Variants in DDX59 observed in about 807,000 individuals in gnomAD.
DDX59 encodes DEAD-box helicase 59.
A neutral mutation model predicts 51.9 loss-of-function variants in DDX59; 30 were observed. The ratio of observed to expected loss-of-function variants is 0.58; its 90% confidence interval spans 0.43 to 0.78. The LOEUF (loss-of-function observed/expected upper bound fraction) is 0.78, where lower values mean the gene tolerates loss of function less well. Ranked by LOEUF, DDX59 falls within the 30% of genes least tolerant of loss-of-function variation. The probability of loss-of-function intolerance (pLI) is 0.00; values close to 1 mark genes in which losing one functional copy is unlikely to be tolerated. For missense variants in DDX59, 672 were observed against 730.8 expected, an observed-to-expected ratio of 0.92 and a Z score of 0.93; for synonymous variants, 255 against 253.3, an observed-to-expected ratio of 1.01 and a Z score of -0.06.
intron 7 of DDX59, among the ~76,000 whole-genome samples, chr1:200,647,235 T>C (rs1661346360): frequency 6.6e-6 from 1 of 152,162 alleles, no homozygotes; most frequent in South Asian, 2.1e-4. Context: ...GTCAGTGAGA[T>C]AATGCAGCGC....
chr1:200,661,910 G>T (rs574229498), intron 3 of DDX59, among the ~76,000 whole-genome samples: 4 of 152,250 alleles, frequency 2.6e-5, no homozygotes, highest in African/African-American at 9.6e-5. Context: ...TATTTCTCAT[G>T]GTTTAACACC....
rs755215809 is a variant in DDX59, at chr1:200,666,345, T to C, written c.396A>G (p.Lys132=). Residue 132 remains lysine (K), a synonymous_variant, in exon 2 of 8, where the codon AAA becomes AAG. Transcript: ENST00000331314. ...TDEDVCSLEC[K]AKHLLQVKEK... is the part of the protein sequence containing the mutation. ...CCTTAACTTGTAGAAGATGTTTCGC[T>C]TTACACTCCAAACTACACACATCTT... The C allele has an allele frequency of 6.2e-7, 1 of 1,614,206 alleles. No individual in the cohort carries two copies.
At chr1:200,648,039 G>C (rs1391172011) in intron 7 of DDX59, among the ~76,000 whole-genome samples, 1 of 137,176 alleles carries the variant, frequency 7.3e-6, no homozygotes, top group Non-Finnish European at 1.6e-5. Flanking sequence ...TTGGGGGGGG[G>C]GAGGGGGGAA....
At chr1:200,641,539 C>T (rs1661050389), downstream of DDX59, among the ~76,000 whole-genome samples, 1 of 150,432 alleles carries the variant, frequency 6.6e-6, no homozygotes, top group Admixed American at 6.6e-5. Flanking sequence ...TTGAGACCAG[C>T]CTGACCAACA....
Position 200,666,108 on chromosome 1 carries a change from A to G in DDX59, c.633T>C (p.Pro211=), listed in dbSNP as rs575423977. ...PIIDFEHCSL[P]EVLNHNLKKS... Reference sequence around the variant, plus strand: ...TCTTCAAGTTGTGATTTAAGACCTCAGGGAGACTACAATGTTCAAAGTCAA... The same window carrying G: ...TCTTCAAGTTGTGATTTAAGACCTCGGGGAGACTACAATGTTCAAAGTCAA... The change falls in exon 2 of 8, where the codon CCT becomes CCC. Residue 211 remains proline (P), a synonymous_variant. Coordinates refer to ENST00000331314, the MANE Select transcript of DDX59 (RefSeq NM_001031725.6). 1 of 1,614,202 alleles carries G rather than the reference A, an allele frequency of 6.2e-7. No individual in the cohort carries two copies. Among genetic ancestry groups the G allele is most frequent in the East Asian group, 2.2e-5 (1 of 44,888 alleles).
chr1:200,663,500 G>A (rs1662506887), intron 3 of DDX59, among the ~76,000 whole-genome samples: 1 of 152,114 alleles, frequency 6.6e-6, no homozygotes, highest in Admixed American at 6.6e-5. Flanking sequence ...ACGCATAACA[G>A]CATGGCTAAG....
rs963383109 is a variant in DDX59 at position 200,649,190 on chromosome 1, C to A, written c.1351G>T (p.Val451Leu). Residue 451 changes from valine (V) to leucine (L), a missense_variant, in exon 6 of 8, where the codon GTG (valine) becomes TTG (leucine). Physicochemically the swap from Val to Leu is conservative, Grantham distance 32 (BLOSUM62 1). Transcript: ENST00000331314. ...AGATCTGCTCCTAGTTTGCAGTCCACAAATACTAACACTGGAGGCTTAAAG... is the reference window on the plus strand; with the variant it reads ...AGATCTGCTCCTAGTTTGCAGTCCAAAAATACTAACACTGGAGGCTTAAAG... Reference protein sequence around the residue: ...KLFKPPVLVFVDCKLGADLLS... With the variant: ...KLFKPPVLVFLDCKLGADLLS... The A allele has an allele frequency of 5.0e-6, 8 of 1,590,334 alleles. No individual in the cohort carries two copies. Among genetic ancestry groups the A allele is most frequent in the Non-Finnish European group, 6.8e-6 (8 of 1,172,932 alleles).
At chr1:200,641,933 G>A (rs1025227802), downstream of DDX59, among the ~76,000 whole-genome samples, 1 of 152,184 alleles carries the variant, frequency 6.6e-6, no homozygotes, top group Non-Finnish European at 1.5e-5. Context: ...AACCTGGGAG[G>A]TGGAGGTTGC....
chr1:200,643,318 A>G (rs373432939), downstream of DDX59, among the ~76,000 whole-genome samples: 18 of 152,158 alleles, frequency 1.2e-4, no homozygotes, highest in African/African-American at 4.3e-4. Flanking sequence ...ATATCCTGTA[A>G]ATGCTGTTTT....
At chr1:200,662,153 A>T (rs1662416038) in intron 3 of DDX59, among the ~76,000 whole-genome samples, 1 of 152,150 alleles carries the variant, frequency 6.6e-6, no homozygotes, top group African/African-American at 2.4e-5. Flanking sequence ...TTTCTTTATA[A>T]ATTAGTCTCA....
intron 3 of DDX59, among the ~76,000 whole-genome samples, chr1:200,661,972 A>G (rs560205177): frequency 1.8e-4 from 27 of 152,014 alleles, no homozygotes; most frequent in Non-Finnish European, 3.5e-4. Context: ...TAGTTGTTTA[A>G]AAGTGTGTAG....
At chr1:200,646,186 T>C (rs986287229) in intron 7 of DDX59, among the ~76,000 whole-genome samples, 3 of 151,936 alleles carry the variant, frequency 2.0e-5, no homozygotes, top group Non-Finnish European at 2.9e-5. Flanking sequence ...ACAGAAAAAT[T>C]AGCCAGGTGT....
intron 2 of DDX59, among the ~76,000 whole-genome samples, chr1:200,665,267 C>A (rs1257859202): frequency 6.6e-6 from 1 of 152,050 alleles, no homozygotes; most frequent in Non-Finnish European, 1.5e-5. Flanking sequence ...ACCAGCCTGA[C>A]CAATAAGGAG....
intron 2 of DDX59, 103 bp from the exon 3 acceptor site, chr1:200,664,189 G>A: frequency 2.3e-6 from 3 of 1,295,268 alleles, no homozygotes; most frequent in East Asian, 2.6e-5. Context: ...CCTTTAAAGT[G>A]TTCCCAACTG....
At chr1:200,658,181 A>G (rs770095848) in intron 4 of DDX59, among the ~76,000 whole-genome samples, 84 of 152,338 alleles carry the variant, frequency 5.5e-4, no homozygotes, top group Non-Finnish European at 1.0e-3. Flanking sequence ...ACTGCTGGTG[A>G]GACATGTGGG....
downstream of DDX59, among the ~76,000 whole-genome samples, chr1:200,641,996 C>A (rs1209929932): frequency 6.6e-6 from 1 of 152,000 alleles, no homozygotes; most frequent in African/African-American, 2.4e-5. Flanking sequence ...GAGTGAGACT[C>A]CATCTCAAAA....
intron 1 of DDX59, among the ~76,000 whole-genome samples, chr1:200,667,751 C>T (rs1451748068): frequency 6.6e-6 from 1 of 152,018 alleles, no homozygotes; most frequent in Non-Finnish European, 1.5e-5. Flanking sequence ...TATTATATGC[C>T]AAGCACAGTG....
chr1:200,655,287 T>A (rs1661946160), intron 4 of DDX59, among the ~76,000 whole-genome samples: 2 of 152,168 alleles, frequency 1.3e-5, no homozygotes, highest in Non-Finnish European at 2.9e-5. Flanking sequence ...TCCTCAGGCA[T>A]CAGAAGACTC....
intron 2 of DDX59, among the ~76,000 whole-genome samples, chr1:200,664,433 C>G (rs1662581434): frequency 6.6e-6 from 1 of 152,198 alleles, no homozygotes; most frequent in African/African-American, 2.4e-5. Flanking sequence ...CCATGCAGAT[C>G]TGGTCAAAGC....
Sources: gnomAD v4.1 joint callset for allele counts (sites outside exome capture counted in the v4.1 genomes callset) on GRCh38, gnomAD v4.1.1 for gene constraint, MANE v1.5 for transcripts, NCBI Gene and HGNC (gene_info 2026-07-23, HGNC 2026-07-21) for gene names.